The following GGT5 variants were observed in gnomAD, a reference collection of about 807,000 sequenced individuals.
GGT5 encodes gamma-glutamyltransferase 5, also known as glutathione hydrolase 5 proenzyme.
A neutral mutation model predicts 58.1 loss-of-function variants in GGT5; 50 were observed. The observed-to-expected ratio is 0.86, with a 90% CI of 0.69 to 1.09. GGT5 has a LOEUF of 1.09. Ranked by LOEUF, GGT5 falls within the 50% of genes least tolerant of loss-of-function variation. The pLI is 0.00. For synonymous variants in GGT5, 370 were observed against 346.1 expected, an observed-to-expected ratio of 1.07 and a Z score of -0.77; for missense variants, 800 against 789.4, an observed-to-expected ratio of 1.01 and a Z score of -0.16.
At chr22:24,233,426 C>T in intron 3 of GGT5, 72 bp downstream of exon 3, 2 of 832,558 alleles carry the variant, frequency 2.4e-6, no homozygotes, top group Non-Finnish European at 3.8e-6. Context: ...AGGCGCTGCT[C>T]CTTTGCGGGG....
rs371023254 is a variant in GGT5, at chr22:24,234,919, C to T, written c.174-915G>A. Among the ~76,000 whole-genome samples, 84 of 152,254 alleles carry T rather than the reference C, an allele frequency of 5.5e-4. 1 individual carries two copies. The South Asian group carries it at 0.017, about 31-fold the overall frequency. On this transcript the variant is annotated intron_variant, in intron 1 of 11. Transcript: ENST00000327365. ...GCAGCAAGAGGTGGGCCCTTTAGCA[C>T]TGAGGGCTGGTCAGCCTGGCCTACA...
intron 1 of GGT5, among the ~76,000 whole-genome samples, chr22:24,237,613 T>G (rs2048136084): frequency 6.6e-6 from 1 of 152,014 alleles, no homozygotes; most frequent in Non-Finnish European, 1.5e-5. Context: ...TTCACTGTGT[T>G]GGCCAGGCTG....
Position 24,225,337 on chromosome 22 carries a change from T to C in GGT5, c.1411A>G (p.Met471Val), listed in dbSNP as rs777898121. ...PVPGERSPSS[M>V]VPSILINKAQ... ...TTGTTGATCAAGATGGAGGGCACCA[T>C]GGAGGATGGGGAACGCTCGCCTGGA... The change falls in exon 10 of 12, where the codon ATG becomes GTG. Residue 471 changes from methionine to valine, a missense_variant. Transcript: ENST00000327365. 2 of 1,613,758 alleles carry C rather than the reference T, an allele frequency of 1.2e-6. No homozygotes were observed. Among genetic ancestry groups the C allele is most frequent in the South Asian group, 1.1e-5 (1 of 91,056 alleles).
In GGT5 at chr22:24,219,871, G is replaced by C; in HGVS notation, c.*99C>G. On this transcript the variant is annotated 3_prime_UTR_variant, in exon 12 of 12. Coordinates refer to ENST00000327365, the MANE Select transcript of GGT5 (RefSeq NM_004121.5). ...CTCTCAGCTGGACTCCCCTGCCAGG[G>C]GTCCAGATCCTGCCAGAGTAGTTGG... 8.4e-7 allele frequency: 1 copy of C among 1,197,224 alleles called. No homozygotes were observed. Among genetic ancestry groups the C allele is most frequent in the South Asian group, 1.4e-5 (1 of 72,226 alleles). The allele number at this position is 1,197,224 out of a possible 1,614,324, so 74.2% of individuals were successfully genotyped here.
intron 11 of GGT5, among the ~76,000 whole-genome samples, chr22:24,222,623 C>G (rs2047624246): frequency 6.6e-6 from 1 of 152,188 alleles, no homozygotes; most frequent in South Asian, 2.1e-4. Context: ...AGCTGACATT[C>G]CAACTCCCCA....
At chr22:24,224,532 T>A (rs961072035) in intron 11 of GGT5, among the ~76,000 whole-genome samples, 3 of 147,924 alleles carry the variant, frequency 2.0e-5, no homozygotes, top group East Asian at 2.0e-4. Context: ...AAAAAAAAAA[T>A]TATATATATA....
intron 11 of GGT5, 22 bp downstream of exon 11, chr22:24,224,974 C>G: frequency 6.7e-7 from 1 of 1,488,598 alleles, no homozygotes; most frequent in Middle Eastern, 1.8e-4. Flanking sequence ...CCCTAGGCAT[C>G]CAGCTCGGAC....
intron 6 of GGT5, among the ~76,000 whole-genome samples, chr22:24,227,114 A>G (rs1368628165): frequency 6.6e-6 from 1 of 150,894 alleles, no homozygotes; most frequent in East Asian, 1.9e-4. Flanking sequence ...ACGTACAGCT[A>G]ATTATTTTTG....
intron 7 of GGT5, 87 bp from the exon 8 acceptor site, chr22:24,226,353 G>A: frequency 1.9e-6 from 2 of 1,066,246 alleles, no homozygotes; most frequent in Non-Finnish European, 2.7e-6. Context: ...GCCCCCATGG[G>A]GGCCACCTCC....
chr22:24,222,904 T>C (rs7286275), intron 11 of GGT5, among the ~76,000 whole-genome samples: 6,874 of 150,830 alleles, frequency 0.046, 204 homozygotes, highest in African/African-American at 0.085. Flanking sequence ...GGTGAAACCC[T>C]GTCTCTACTA....
chr22:24,233,795 A>G, intron 2 of GGT5, 79 bp downstream of exon 2: 1 of 1,396,292 alleles, frequency 7.2e-7, no homozygotes, highest in Non-Finnish European at 1.0e-6. Flanking sequence ...GCTTGAGTTG[A>G]TGGGACTGGC....
At chr22:24,236,010 G>A (rs1423224971) in intron 1 of GGT5, among the ~76,000 whole-genome samples, 1 of 152,128 alleles carries the variant, frequency 6.6e-6, no homozygotes, top group Non-Finnish European at 1.5e-5. Context: ...CTCCCTGGGT[G>A]AGTCCATCCA....
intron 6 of GGT5, among the ~76,000 whole-genome samples, chr22:24,230,741 C>G (rs1397096899): frequency 2.0e-5 from 3 of 152,132 alleles, no homozygotes; most frequent in African/African-American, 7.2e-5. Context: ...TACCGCGATG[C>G]CTACTCTGGA....
rs562195268 is a variant in GGT5, at chr22:24,225,869, G to A, written c.1229+207C>T. Among the ~76,000 whole-genome samples the A allele has an allele frequency of 2.6e-5, 4 of 152,272 alleles. No individual in the cohort carries two copies. In the South Asian group the frequency reaches 6.2e-4, roughly 24 times the overall value. On this transcript the variant is annotated intron_variant, in intron 8 of 11. Coordinates refer to ENST00000327365, the MANE Select transcript of GGT5 (RefSeq NM_004121.5). ...TTCTGAGTGAGGCTACCCATTCCCA[G>A]GTAAATCTTGGGTCGGGGCCACCCC...
At chr22:24,237,007 C>CTTTTTTTTTTTTTTTTTTTCT (rs35060391) in intron 1 of GGT5, among the ~76,000 whole-genome samples, 1 of 131,124 alleles carries the variant, frequency 7.6e-6, no homozygotes, top group Non-Finnish European at 1.6e-5. Flanking sequence ...TCTTTTCTCT[C>CTTTTTTTTTTTTTTTTTTTCT]TTTTTTTTTT....
intron 6 of GGT5, among the ~76,000 whole-genome samples, chr22:24,229,742 T>G (rs1373041209): frequency 2.0e-5 from 3 of 151,466 alleles, no homozygotes; most frequent in African/African-American, 4.9e-5. Context: ...TCCCAGCTAC[T>G]CAGGAGGCTG....
intron 11 of GGT5, chr22:24,220,862 T>G (rs997161387): frequency 3.9e-5 from 13 of 337,150 alleles, no homozygotes; most frequent in African/African-American, 2.6e-4. Context: ...CAAGATCACG[T>G]CTTTATTAAA....
At chr22:24,234,063 C>T in intron 1 of GGT5, 59 bp from the exon 2 acceptor site, 3 of 1,526,276 alleles carry the variant, frequency 2.0e-6, no homozygotes, top group South Asian at 2.4e-5. Flanking sequence ...CCCCACCAGG[C>T]TTGCTCAGCT....
At chr22:24,235,595 C>T (rs577201156) in intron 1 of GGT5, among the ~76,000 whole-genome samples, 1 of 152,304 alleles carries the variant, frequency 6.6e-6, no homozygotes, top group African/African-American at 2.4e-5. Context: ...CACATGTAAT[C>T]TTGGAACAGG....
Sources: allele counts gnomAD v4.1 joint callset (sites outside exome capture counted in the v4.1 genomes callset), GRCh38; gene constraint gnomAD v4.1.1; transcripts MANE v1.5; gene names NCBI Gene and HGNC (gene_info 2026-07-23, HGNC 2026-07-21).